Variants in PRKG1 observed in about 807,000 individuals in gnomAD.
The protein encoded by PRKG1 is protein kinase cGMP-dependent 1.
PRKG1 carries 35 observed loss-of-function variants against 88.1 expected under a neutral mutation model. That is an observed-to-expected ratio of 0.40 (90% CI 0.30 to 0.53). PRKG1 has a LOEUF of 0.53. Among genes scored for constraint, PRKG1 ranks in the 20% least tolerant of loss-of-function variants. The pLI is 0.59. For synonymous variants in PRKG1, 303 were observed against 292.5 expected (o/e 1.04, Z -0.37); for missense variants, 540 against 839.8 (o/e 0.64, Z 4.41).
At chr10:51,420,607 G>T (rs1023736481) in intron 2 of PRKG1, among the ~76,000 whole-genome samples, 7 of 152,132 alleles carry the variant, frequency 4.6e-5, no homozygotes, top group Non-Finnish European at 1.0e-4. Context: ...CAGATACATT[G>T]ATTTGGCTGA....
At chr10:51,592,565 G>A (rs1366042336) in intron 3 of PRKG1, among the ~76,000 whole-genome samples, 5 of 152,132 alleles carry the variant, frequency 3.3e-5, no homozygotes, top group Non-Finnish European at 7.3e-5. Flanking sequence ...GTCTCTGAGA[G>A]GATTCCATGG....
At position 51,563,934 on chromosome 10, in the gene PRKG1, G is replaced by T. The variant is rs189193703; in HGVS notation, c.592+96098G>T. ...AAAGACCCAGATACATGAGATAAGT[G>T]TTATGGAAAAGAACTAACTTCTTCT... On this transcript the variant is annotated intron_variant, in intron 3 of 17. Transcript: ENST00000373980. Among the ~76,000 whole-genome samples the T allele has an allele frequency of 5.3e-4, 80 of 152,162 alleles. 3 individuals are homozygous for T. The highest frequency in any genetic ancestry group is 5.2e-3 in the Admixed American group (80 of 15,272).
chr10:51,645,381 C>A (rs187909764), intron 3 of PRKG1, among the ~76,000 whole-genome samples: 19 of 152,274 alleles, frequency 1.2e-4, no homozygotes, highest in African/African-American at 2.4e-4. Flanking sequence ...GTTTAAAATT[C>A]TATGTCTCAT....
intron 2 of PRKG1, among the ~76,000 whole-genome samples, chr10:51,325,678 A>C (rs112392847): frequency 1.3e-5 from 2 of 152,196 alleles, no homozygotes; most frequent in African/African-American, 2.4e-5. Flanking sequence ...TTACCCAAAA[A>C]ATCTTGACCC....
chr10:52,102,383 A>G, intron 7 of PRKG1, among the ~76,000 whole-genome samples: 1 of 152,152 alleles, frequency 6.6e-6, no homozygotes, highest in South Asian at 2.1e-4. Context: ...ATGCTCTGAA[A>G]GAGAATCTCT....
chr10:52,130,670 A>G (rs1240174337), intron 7 of PRKG1, among the ~76,000 whole-genome samples: 1 of 152,162 alleles, frequency 6.6e-6, no homozygotes, highest in Non-Finnish European at 1.5e-5. Context: ...TTATGCTGCC[A>G]TGAACAACTA....
intron 9 of PRKG1, among the ~76,000 whole-genome samples, chr10:52,216,265 A>C (rs953342524): frequency 6.6e-6 from 1 of 152,190 alleles, no homozygotes; most frequent in African/African-American, 2.4e-5. Context: ...CAATCAAAAA[A>C]ATTATGCATG....
At chr10:51,959,418 C>CTT (rs1331117762) in intron 5 of PRKG1, among the ~76,000 whole-genome samples, 1 of 152,092 alleles carries the variant, frequency 6.6e-6, no homozygotes, top group Non-Finnish European at 1.5e-5. Flanking sequence ...ATATTGAGTA[C>CTT]TGCTGCGCAA....
chr10:52,279,349 T>C (rs1003749991), intron 12 of PRKG1, among the ~76,000 whole-genome samples: 1 of 152,154 alleles, frequency 6.6e-6, no homozygotes, highest in Admixed American at 6.6e-5. Flanking sequence ...TCAGATATTA[T>C]TCAAGGGAGA....
chr10:51,832,845 T>C (rs1055514671), intron 4 of PRKG1, among the ~76,000 whole-genome samples: 3 of 152,176 alleles, frequency 2.0e-5, no homozygotes, highest in African/African-American at 7.2e-5. Flanking sequence ...TATTGTCTTA[T>C]CGCACAGATA....
chr10:51,263,454 C>G (rs1839763752), intron 2 of PRKG1, among the ~76,000 whole-genome samples: 1 of 152,182 alleles, frequency 6.6e-6, no homozygotes, highest in Non-Finnish European at 1.5e-5. Context: ...TTGGCTGTCT[C>G]AGCTTCCAGA....
chr10:51,499,168 A>G (rs1220114546), intron 3 of PRKG1, among the ~76,000 whole-genome samples: 2 of 152,206 alleles, frequency 1.3e-5, no homozygotes, highest in African/African-American at 4.8e-5. Flanking sequence ...TTCCTCTGGG[A>G]GTTGGGACAA....
intron 2 of PRKG1, among the ~76,000 whole-genome samples, chr10:51,255,991 C>T (rs1168293224): frequency 6.6e-6 from 1 of 152,100 alleles, no homozygotes; most frequent in Non-Finnish European, 1.5e-5. Flanking sequence ...AACATAGATC[C>T]ATTTAGTCCA....
chr10:51,484,988 C>T (rs1475943071), intron 3 of PRKG1, among the ~76,000 whole-genome samples: 1 of 152,076 alleles, frequency 6.6e-6, no homozygotes, highest in Non-Finnish European at 1.5e-5. Flanking sequence ...TAGGTAGTTG[C>T]AAAATCCAAA....
chr10:51,920,950 C>T (rs1381519166), intron 5 of PRKG1, among the ~76,000 whole-genome samples: 1 of 152,076 alleles, frequency 6.6e-6, no homozygotes, highest in Non-Finnish European at 1.5e-5. Flanking sequence ...TTTGTTACAA[C>T]TGATGAACCA....
At chr10:51,249,291 A>G (rs1013693080) in intron 2 of PRKG1, among the ~76,000 whole-genome samples, 2 of 151,942 alleles carry the variant, frequency 1.3e-5, no homozygotes, top group African/African-American at 2.4e-5. Context: ...CTGGACATTA[A>G]GCAACGCATA....
chr10:52,141,036 G>A (rs757063272), intron 8 of PRKG1, among the ~76,000 whole-genome samples: 2 of 152,154 alleles, frequency 1.3e-5, no homozygotes, highest in Non-Finnish European at 2.9e-5. Context: ...CTAGGGTGAT[G>A]TGAGGATATT....
At chr10:52,209,960 T>C (rs1042962370) in intron 9 of PRKG1, among the ~76,000 whole-genome samples, 3 of 152,204 alleles carry the variant, frequency 2.0e-5, no homozygotes, top group Non-Finnish European at 2.9e-5. Context: ...CTGATGATTG[T>C]ACACATACTA....
intron 3 of PRKG1, among the ~76,000 whole-genome samples, chr10:51,487,447 G>A (rs1300537267): frequency 6.6e-6 from 1 of 152,100 alleles, no homozygotes; most frequent in Non-Finnish European, 1.5e-5. Context: ...TATTAAGTTA[G>A]CAATTAGTAA....
Sources: allele counts gnomAD v4.1 joint callset (sites outside exome capture counted in the v4.1 genomes callset), GRCh38; gene constraint gnomAD v4.1.1; transcripts MANE v1.5; gene names NCBI Gene and HGNC (gene_info 2026-07-23, HGNC 2026-07-21).